Variants in FBXO31 observed in about 807,000 individuals in gnomAD.
FBXO31 encodes F-box only protein 31.
FBXO31 carries 24 observed loss-of-function variants against 54.4 expected under a neutral mutation model. The ratio of observed to expected loss-of-function variants is 0.44; its 90% CI spans 0.32 to 0.62. The LOEUF is 0.62. FBXO31 is among the 20% of genes least tolerant of loss of function. The pLI is 0.05. For synonymous variants in FBXO31, 388 were observed against 335.6 expected (o/e 1.16, Z -1.71); for missense variants, 665 against 787.1 (o/e 0.84, Z 1.86).
At chr16:87,352,612 G>A (rs75001515) in intron 2 of FBXO31, among the ~76,000 whole-genome samples, 2,404 of 152,256 alleles carry the variant, frequency 0.016, 65 homozygotes, top group African/African-American at 0.054. Context: ...CAGGGAAGCC[G>A]TGTCCATCAA....
chr16:87,360,420 G>C (rs755561559), intron 1 of FBXO31, 54 bp from the exon 2 acceptor site: 5 of 1,525,212 alleles, frequency 3.3e-6, no homozygotes, highest in Admixed American at 3.4e-5. Flanking sequence ...TAACGCGACA[G>C]ACGTGGGCAG....
At chr16:87,363,781 A>G (rs992384226) in intron 1 of FBXO31, among the ~76,000 whole-genome samples, 1 of 152,188 alleles carries the variant, frequency 6.6e-6, no homozygotes, top group Admixed American at 6.5e-5. Context: ...GCTGTGGAGG[A>G]AAAAGGCAAA....
chr16:87,380,233 G>A (rs1226180155), intron 1 of FBXO31, among the ~76,000 whole-genome samples: 1 of 148,172 alleles, frequency 6.7e-6, no homozygotes. Flanking sequence ...AGGAGGCAGA[G>A]GCTGTAGTGA....
chr16:87,390,634 G>A (rs927088527), upstream of FBXO31, among the ~76,000 whole-genome samples: 1 of 151,852 alleles, frequency 6.6e-6, no homozygotes, highest in Non-Finnish European at 1.5e-5. Context: ...AGAGATGGGG[G>A]TTTCGCCATG....
At chr16:87,342,762 C>T (rs1034615670) in intron 5 of FBXO31, 115 bp downstream of exon 5, 7 of 811,876 alleles carry the variant, frequency 8.6e-6, no homozygotes, top group East Asian at 5.7e-5. Context: ...CCATGTGAAA[C>T]AGCCACCATG....
At chr16:87,376,312 C>T (rs950117589) in intron 1 of FBXO31, among the ~76,000 whole-genome samples, 8 of 150,084 alleles carry the variant, frequency 5.3e-5, no homozygotes, top group Non-Finnish European at 8.9e-5. Flanking sequence ...CTTACTCTGT[C>T]GCCCAGGCTG....
chr16:87,331,453 G>C lies in FBXO31; in HGVS notation c.1455C>G (p.Pro485=). 1.9e-6 allele frequency: 3 copies of C among 1,613,542 alleles called. 1 individual carries two copies. Among genetic ancestry groups the C allele is most frequent in the South Asian group, 2.2e-5 (2 of 91,028 alleles). The change falls in exon 9 of 9, where the codon CCC becomes CCG. Residue 485 remains proline (P), a synonymous_variant. Transcript: ENST00000311635. Reference sequence around the variant, plus strand: ...CCTCATCGAAGAGGATGAAGACCCCGGGGGTGCGTTCAGGGCTGGTGAAGC... The same window carrying C: ...CCTCATCGAAGAGGATGAAGACCCCCGGGGTGCGTTCAGGGCTGGTGAAGC... ...GHGFTSPERT[P]GVFILFDEDR...
At chr16:87,344,679 A>G (rs572880345) in intron 3 of FBXO31, among the ~76,000 whole-genome samples, 243 of 152,222 alleles carry the variant, frequency 1.6e-3, no homozygotes, top group Admixed American at 5.8e-3. Context: ...CCAGTAAGTA[A>G]AACAATTACC....
chr16:87,350,848 T>C (rs1480072025), intron 2 of FBXO31, among the ~76,000 whole-genome samples: 1 of 151,776 alleles, frequency 6.6e-6, no homozygotes, highest in Non-Finnish European at 1.5e-5. Flanking sequence ...AAAGTGGGAG[T>C]TCCCTGTTGT....
At chr16:87,339,951 T>C (rs1194542719) in intron 5 of FBXO31, among the ~76,000 whole-genome samples, 1 of 152,088 alleles carries the variant, frequency 6.6e-6, no homozygotes, top group Non-Finnish European at 1.5e-5. Context: ...TGAGACCCTA[T>C]CTCTAAGCCA....
intron 1 of FBXO31, among the ~76,000 whole-genome samples, chr16:87,378,053 G>A (rs145215963): frequency 0.015 from 2,285 of 151,966 alleles, 25 homozygotes; most frequent in Non-Finnish European, 0.025. Flanking sequence ...CAGTTATTCA[G>A]GAGGCTGAGG....
rs1474447964 is a variant in FBXO31, at chr16:87,327,412, C to T, written c.*3876G>A. ...GGGGCTCACGCCTGTAATCCCAGCA[C>T]TTTGGGAGGCCGAGGCGGGTGGATC... On this transcript the variant is annotated 3_prime_UTR_variant, in exon 9 of 9. Coordinates refer to ENST00000311635, the MANE Select transcript of FBXO31 (RefSeq NM_024735.5). 1.3e-5 allele frequency: 2 copies of T among 152,874 alleles called. No individual in the cohort carries two copies. Among genetic ancestry groups the T allele is most frequent in the Non-Finnish European group, 2.9e-5 (2 of 68,592 alleles). The allele number at this position is 152,874 out of a possible 1,614,324, so 9.5% of individuals were successfully genotyped here.
chr16:87,345,379 G>A lies in FBXO31; in HGVS notation c.490-1614C>T, dbSNP rs151064773. ...GGGGAAGAGGGTGGGAGGGCGGACC[G>A]GAAGCCATGCAGACTCCATGCAGAC... On this transcript the variant is annotated intron_variant, in intron 3 of 8. Transcript: ENST00000311635. The surrounding 1 kb of genome is among the most constrained non-coding windows in gnomAD (Gnocchi z 4.9). Among the ~76,000 whole-genome samples the A allele has an allele frequency of 1.1e-4, 16 of 151,992 alleles. No individual in the cohort carries two copies. The highest frequency in any genetic ancestry group is 3.6e-4 in the African/African-American group (15 of 41,444).
Position 87,335,363 on chromosome 16 carries a change from C to G in FBXO31, c.937G>C (p.Gly313Arg). The change falls in exon 7 of 9, where the codon GGC (glycine) becomes CGC (arginine). Residue 313 changes from glycine (G) to arginine (R), a missense_variant. By Grantham distance (125) the Gly-to-Arg change is moderately radical (BLOSUM62 -2). Around this residue, in one of 4 missense-constraint regions of FBXO31, gnomAD observed 234 missense variants for 346.8 expected, o/e 0.67. Coordinates refer to ENST00000311635, the MANE Select transcript of FBXO31 (RefSeq NM_024735.5). The surrounding 1 kb of genome is among the most constrained non-coding windows in gnomAD (Gnocchi z 5.7). ...AAGCTGAGCATCACAATCTCCAGGC[C>G]GTGGCTGCCATAGGTACCTTTGAAG... The part of the protein sequence containing the change: ...GLFKGTYGSH[G>R]LEIVMLSFHG... 1 of 1,613,892 alleles carries G rather than the reference C, an allele frequency of 6.2e-7. No individual in the cohort carries two copies. Among genetic ancestry groups the G allele is most frequent in the South Asian group, 1.1e-5 (1 of 91,086 alleles).
intron 5 of FBXO31, among the ~76,000 whole-genome samples, chr16:87,337,642 C>T (rs890362686): frequency 6.6e-5 from 10 of 152,174 alleles, no homozygotes; most frequent in African/African-American, 1.2e-4. Context: ...CTGATTGCAG[C>T]GGAGGTGCCC....
rs1344843153 is a variant in FBXO31 at position 87,336,372 on chromosome 16, G to T, written c.733-108C>A. ...GTGTGTCCTTCTTTGTCAGTGCACA[G>T]GCACCTGCAGGGCCCTCTTGGTGGG... On this transcript the variant is annotated intron_variant, in intron 5 of 8. Transcript: ENST00000311635. This position sits in a 1 kb window ranked among gnomAD's most constrained non-coding sequence, Gnocchi z 6.5. The T allele has an allele frequency of 1.1e-6, 1 of 898,446 alleles. No homozygotes were observed. The highest frequency in any genetic ancestry group is 1.6e-5 in the African/African-American group (1 of 60,870). 55.7% of individuals were successfully genotyped at this position (898,446 alleles called of 1,614,324 possible).
chr16:87,386,519 G>C (rs1301714097), upstream of FBXO31, among the ~76,000 whole-genome samples: 2 of 152,196 alleles, frequency 1.3e-5, no homozygotes, highest in East Asian at 3.9e-4. Context: ...TGCAGCCCCC[G>C]CCTCCCGGGT....
At chr16:87,360,987 C>T (rs1181465659) in intron 1 of FBXO31, among the ~76,000 whole-genome samples, 1 of 152,216 alleles carries the variant, frequency 6.6e-6, no homozygotes, top group African/African-American at 2.4e-5. Flanking sequence ...CCTACTCCCA[C>T]CCCACCACAG....
chr16:87,392,070 C>CCA (rs1024881565), upstream of FBXO31: 38 of 221,354 alleles, frequency 1.7e-4, no homozygotes, highest in South Asian at 2.7e-3. Flanking sequence ...GCGGCCCAGC[C>CCA]CACAACCGTC....
Sources: gnomAD v4.1 joint callset for allele counts (sites outside exome capture counted in the v4.1 genomes callset) on GRCh38, gnomAD v4.1.1 for gene constraint, gnomAD v4.1.1 regional missense constraint, Gnocchi (gnomAD v3.1) non-coding constraint, MANE v1.5 for transcripts, NCBI Gene and HGNC (gene_info 2026-07-23, HGNC 2026-07-21) for gene names.